The following PTK2 variants were observed in gnomAD, a reference collection of about 807,000 sequenced individuals.
The protein encoded by PTK2 is protein tyrosine kinase 2.
Under a neutral mutation model 150.1 loss-of-function variants are expected in PTK2, and 45 were observed. That is an observed-to-expected ratio of 0.30 (90% confidence interval 0.24 to 0.38). The LOEUF (loss-of-function observed/expected upper bound fraction) is 0.38, where lower values mean the gene tolerates loss of function less well. Among genes scored for constraint, PTK2 ranks in the 10% least tolerant of loss-of-function variants. The pLI is 1.00. For synonymous variants in PTK2, 432 were observed against 449.2 expected, an observed-to-expected ratio of 0.96 and a Z score of 0.48; for missense variants, 919 against 1,307.3, an observed-to-expected ratio of 0.70 and a Z score of 4.58.
intron 5 of PTK2, among the ~76,000 whole-genome samples, chr8:140,851,997 ACAAT>A (rs2100129585): frequency 6.6e-6 from 1 of 152,204 alleles, no homozygotes; most frequent in South Asian, 2.1e-4. Context: ...GTGCACACAC[ACAAT>A]CTGATTTCTC....
chr8:140,842,257 A>G (rs1316277246), intron 7 of PTK2, among the ~76,000 whole-genome samples: 1 of 152,068 alleles, frequency 6.6e-6, no homozygotes, highest in East Asian at 1.9e-4. Context: ...TTACCTTTGA[A>G]AATAAATAAA....
intron 26 of PTK2, among the ~76,000 whole-genome samples, chr8:140,700,195 T>C (rs1442460085): frequency 1.3e-5 from 2 of 152,154 alleles, no homozygotes; most frequent in Non-Finnish European, 2.9e-5. Flanking sequence ...ACATGGCCCT[T>C]AAGGGTTTTG....
intron 15 of PTK2, 126 bp downstream of exon 18, chr8:140,762,242 T>G: frequency 2.6e-6 from 1 of 380,590 alleles, no homozygotes; most frequent in Non-Finnish European, 3.7e-6. Flanking sequence ...TTCCATTGAT[T>G]TAACAGTATA....
At chr8:140,833,237 T>C (rs1342334005) in intron 7 of PTK2, among the ~76,000 whole-genome samples, 1 of 152,200 alleles carries the variant, frequency 6.6e-6, no homozygotes, top group African/African-American at 2.4e-5. Flanking sequence ...TTTCTTAAAC[T>C]TCTTTTGACT....
chr8:140,899,061 T>C (rs1009951659), intron 2 of PTK2, among the ~76,000 whole-genome samples: 2 of 152,220 alleles, frequency 1.3e-5, no homozygotes, highest in South Asian at 2.1e-4. Context: ...TTGAGTTTAT[T>C]TTCCCATAAA....
At chr8:140,719,077 G>C (rs1000452787) in intron 22 of PTK2, among the ~76,000 whole-genome samples, 5 of 152,108 alleles carry the variant, frequency 3.3e-5, no homozygotes, top group Non-Finnish European at 5.9e-5. Context: ...TCGGGAGGCT[G>C]AGGCAGGAGA....
chr8:140,754,529 CA>C (rs752013410), intron 16 of PTK2, among the ~76,000 whole-genome samples: 2 of 152,124 alleles, frequency 1.3e-5, no homozygotes, highest in Non-Finnish European at 2.9e-5. Flanking sequence ...ACGATCAGAG[CA>C]ACAAAATCTT....
intron 12 of PTK2, among the ~76,000 whole-genome samples, chr8:140,794,601 T>C (rs1450947673): frequency 6.6e-6 from 1 of 152,200 alleles, no homozygotes. Flanking sequence ...CTAATCACTC[T>C]GTCCTTCTGA....
chr8:140,900,786 G>A (rs1304839790), intron 2 of PTK2, among the ~76,000 whole-genome samples: 1 of 151,998 alleles, frequency 6.6e-6, no homozygotes, highest in African/African-American at 2.4e-5. Context: ...AATATTTCAT[G>A]TTAAAGGATT....
rs529112283 is a variant in PTK2, at chr8:140,753,543, T to C, written c.1333-1227A>G. Among the ~76,000 whole-genome samples, 106 of 152,246 alleles carry C rather than the reference T, an allele frequency of 7.0e-4. 1 individual carries two copies. The highest frequency in any genetic ancestry group is 2.2e-3 in the African/African-American group (91 of 41,534). On this transcript the variant is annotated intron_variant, in intron 16 of 31. Coordinates refer to ENST00000522684, the Ensembl canonical transcript of PTK2. ...ATGAGAGAGGTCCAAGGACTGTGCT[T>C]TGAAGCTCTCCAACATGAAGAGGTC...
At chr8:140,827,477 A>C (rs1023050302) in intron 8 of PTK2, among the ~76,000 whole-genome samples, 1 of 152,194 alleles carries the variant, frequency 6.6e-6, no homozygotes, top group Non-Finnish European at 1.5e-5. Context: ...ATGGAAGCCT[A>C]AACGATAGCC....
At chr8:140,993,333 C>T (rs192881184) in intron 1 of PTK2, among the ~76,000 whole-genome samples, 5 of 152,254 alleles carry the variant, frequency 3.3e-5, no homozygotes, top group Admixed American at 6.5e-5. Context: ...TTTTAAGTGA[C>T]GTTCTTTACC....
chr8:140,680,927 A>G (rs1321306315), intron 27 of PTK2, among the ~76,000 whole-genome samples: 1 of 152,146 alleles, frequency 6.6e-6, no homozygotes, highest in Admixed American at 6.5e-5. Context: ...CAGTAGTTTC[A>G]CCCTTATTAG....
chr8:140,682,376 A>C (rs2100017552), intron 27 of PTK2, among the ~76,000 whole-genome samples: 2 of 152,212 alleles, frequency 1.3e-5, no homozygotes, highest in African/African-American at 4.8e-5. Context: ...TCTCAAAACA[A>C]AAACGAAAAC....
intron 2 of PTK2, among the ~76,000 whole-genome samples, chr8:140,905,939 G>A (rs2154607846): frequency 6.6e-6 from 1 of 151,872 alleles, no homozygotes; most frequent in African/African-American, 2.4e-5. Flanking sequence ...AAGAAATGAA[G>A]GCAGAAATAA....
chr8:140,682,119 T>C (rs1425001785), intron 27 of PTK2, among the ~76,000 whole-genome samples: 1 of 152,190 alleles, frequency 6.6e-6, no homozygotes, highest in African/African-American at 2.4e-5. Context: ...TTTACAACCA[T>C]GTAGTAAGAG....
At chr8:140,830,409 C>T in intron 8 of PTK2, 63 bp downstream of exon 8, 2 of 1,068,936 alleles carry the variant, frequency 1.9e-6, no homozygotes, top group South Asian at 3.3e-5. Context: ...AGCAATTTAC[C>T]ACTGGGGAAA....
chr8:140,927,441 G>A (rs2100169878), intron 1 of PTK2: 1 of 152,104 alleles, frequency 6.6e-6, no homozygotes, highest in Non-Finnish European at 1.5e-5. Flanking sequence ...CACTGATCAG[G>A]CTGTAAAGGC....
At chr8:140,694,521 T>C (rs1287758207) in intron 26 of PTK2, among the ~76,000 whole-genome samples, 1 of 152,186 alleles carries the variant, frequency 6.6e-6, no homozygotes, top group Non-Finnish European at 1.5e-5. Context: ...CCATGCAGTC[T>C]GAGAAGCCCT....
Sources: gnomAD v4.1 joint callset for allele counts (sites outside exome capture counted in the v4.1 genomes callset) on GRCh38, gnomAD v4.1.1 for gene constraint, MANE v1.5 for transcripts, NCBI Gene and HGNC (gene_info 2026-07-23, HGNC 2026-07-21) for gene names.